Variants in PIP5K1B observed in about 807,000 individuals in gnomAD.
The protein encoded by PIP5K1B is phosphatidylinositol-4-phosphate 5-kinase type 1 beta.
In PIP5K1B, 42 loss-of-function variants were observed where a neutral mutation model predicts 67.0. The ratio of observed to expected loss-of-function variants is 0.63; its 90% CI spans 0.49 to 0.81. The LOEUF (loss-of-function observed/expected upper bound fraction) is 0.81. Among genes scored for constraint, PIP5K1B ranks in the 30% least tolerant of loss-of-function variants. The pLI is 0.00. For synonymous variants in PIP5K1B, 214 were observed against 231.4 expected (o/e 0.92, Z 0.68); for missense variants, 459 against 646.3 (o/e 0.71, Z 3.14).
intron 7 of PIP5K1B, among the ~76,000 whole-genome samples, chr9:68,889,974 A>T (rs11144154): frequency 6.6e-6 from 1 of 152,100 alleles, no homozygotes; most frequent in African/African-American, 2.4e-5. Flanking sequence ...GCAACCTTGG[A>T]TACTACAATT....
chr9:68,795,700 C>G (rs1315648678), intron 2 of PIP5K1B, among the ~76,000 whole-genome samples: 1 of 152,092 alleles, frequency 6.6e-6, no homozygotes, highest in African/African-American at 2.4e-5. Flanking sequence ...AATGGTGTTG[C>G]AATTTTGATG....
intron 14 of PIP5K1B, among the ~76,000 whole-genome samples, chr9:68,968,362 A>G (rs1190369659): frequency 2.0e-5 from 3 of 152,196 alleles, no homozygotes; most frequent in Admixed American, 2.0e-4. Context: ...TCTACTAAAA[A>G]TACAAAAATT....
At chr9:68,760,130 T>C (rs1324072470) in intron 2 of PIP5K1B, among the ~76,000 whole-genome samples, 2 of 152,080 alleles carry the variant, frequency 1.3e-5, no homozygotes, top group African/African-American at 4.8e-5. Context: ...GTGCACAACA[T>C]CTGTGGCTAG....
At position 68,892,469 on chromosome 9, in the gene PIP5K1B, A is replaced by G. The variant is rs1160464284; in HGVS notation, c.472-1870A>G. 3.9e-5 allele frequency among the ~76,000 whole-genome samples: 6 copies of G among 152,234 alleles called. 1 individual carries two copies. Among genetic ancestry groups the G allele is most frequent in the South Asian group, 4.1e-4 (2 of 4,836 alleles). ...AAATAAAGTGTCCAGAAATAGATCT[A>G]TGTGAATTTGTCTACTTACTGTATT... On this transcript the variant is annotated intron_variant, in intron 7 of 15. Transcript: ENST00000265382.
intron 2 of PIP5K1B, among the ~76,000 whole-genome samples, chr9:68,751,758 T>G (rs1446717642): frequency 6.6e-6 from 1 of 152,314 alleles, no homozygotes; most frequent in Admixed American, 6.5e-5. Flanking sequence ...AGATCAAGGA[T>G]GGAGCACATC....
chr9:68,749,813 C>T (rs1187704409), intron 2 of PIP5K1B, among the ~76,000 whole-genome samples: 5 of 152,144 alleles, frequency 3.3e-5, no homozygotes, highest in Non-Finnish European at 7.4e-5. Flanking sequence ...TTCCTTCCCC[C>T]TAGTTACAAC....
At chr9:68,783,854 A>G (rs898789961) in intron 2 of PIP5K1B, 1 of 167,086 alleles carries the variant, frequency 6.0e-6, no homozygotes, top group Non-Finnish European at 1.5e-5. Context: ...AAAATTGCGG[A>G]CCTGATCCTT....
chr9:68,928,714 G>GCTGCTACAGTGGAAAATAGTC (rs1394448939), intron 12 of PIP5K1B, among the ~76,000 whole-genome samples: 2 of 152,142 alleles, frequency 1.3e-5, no homozygotes, highest in Admixed American at 1.3e-4. Context: ...TGTTTATAGT[G>GCTGCTACAGTGGAAAATAGTC]CTGCTACAGT....
intron 15 of PIP5K1B, among the ~76,000 whole-genome samples, chr9:69,007,983 T>TTTTAAATAGCTACCA (rs540869047): frequency 0.023 from 3,520 of 152,256 alleles, 64 homozygotes; most frequent in Non-Finnish European, 0.033. Context: ...CTGGCTCTGA[T>TTTTAAATAGCTACCA]TTTAAATAGC....
At chr9:68,975,232 C>G (rs1264912184) in intron 14 of PIP5K1B, among the ~76,000 whole-genome samples, 2 of 152,096 alleles carry the variant, frequency 1.3e-5, no homozygotes, top group African/African-American at 4.8e-5. Context: ...GCATGCCCAG[C>G]TAATGTTTAT....
chr9:68,801,945 A>G (rs2131985079), intron 2 of PIP5K1B, among the ~76,000 whole-genome samples: 1 of 152,342 alleles, frequency 6.6e-6, no homozygotes, highest in Non-Finnish European at 1.5e-5. Flanking sequence ...ATCACAGAAA[A>G]CAGCTTAGAA....
At chr9:68,739,558 CCTT>C (rs1478606418) in intron 1 of PIP5K1B, among the ~76,000 whole-genome samples, 1 of 152,216 alleles carries the variant, frequency 6.6e-6, no homozygotes, top group Non-Finnish European at 1.5e-5. Flanking sequence ...ATTTCAGCCT[CCTT>C]CTTGGGGCTT....
intron 4 of PIP5K1B, among the ~76,000 whole-genome samples, chr9:68,841,347 A>G (rs1295462339): frequency 6.6e-6 from 1 of 152,182 alleles, no homozygotes; most frequent in African/African-American, 2.4e-5. Context: ...CATTTCCTGG[A>G]TTATTATGCA....
At chr9:69,007,731 G>A (rs1032058304) in intron 15 of PIP5K1B, among the ~76,000 whole-genome samples, 1 of 151,946 alleles carries the variant, frequency 6.6e-6, no homozygotes, top group Non-Finnish European at 1.5e-5. Context: ...ATGGCAGGCA[G>A]CTGTAGTCCC....
At chr9:68,742,939 C>T (rs1391574069) in intron 2 of PIP5K1B, among the ~76,000 whole-genome samples, 1 of 152,210 alleles carries the variant, frequency 6.6e-6, no homozygotes, top group East Asian at 1.9e-4. Flanking sequence ...TAGTAGGTCT[C>T]TCTCTTTTTA....
intron 1 of PIP5K1B, among the ~76,000 whole-genome samples, chr9:68,732,939 A>AGAT (rs201043564): frequency 2.0e-5 from 3 of 149,714 alleles, no homozygotes; most frequent in East Asian, 2.0e-4. Context: ...GCGCGGTGGG[A>AGAT]GATGATGATG....
At chr9:68,869,674 C>T (rs1369154285) in intron 5 of PIP5K1B, among the ~76,000 whole-genome samples, 2 of 152,182 alleles carry the variant, frequency 1.3e-5, no homozygotes, top group Non-Finnish European at 2.9e-5. Flanking sequence ...TTATCTGGCC[C>T]TTTATAGAAA....
intron 15 of PIP5K1B, among the ~76,000 whole-genome samples, chr9:69,007,919 A>G (rs1325274017): frequency 6.6e-5 from 10 of 152,106 alleles, no homozygotes; most frequent in Non-Finnish European, 1.5e-4. Context: ...AAGGCTGAAT[A>G]TAATATTGCT....
chr9:68,806,720 T>C (rs1215824013), intron 2 of PIP5K1B, among the ~76,000 whole-genome samples: 1 of 152,138 alleles, frequency 6.6e-6, no homozygotes, highest in African/African-American at 2.4e-5. Flanking sequence ...CTCTCATCCA[T>C]GACTTAAGAA....
Sources: allele counts gnomAD v4.1 joint callset (sites outside exome capture counted in the v4.1 genomes callset), GRCh38; gene constraint gnomAD v4.1.1; transcripts MANE v1.5; gene names NCBI Gene and HGNC (gene_info 2026-07-23, HGNC 2026-07-21).